MTUS2: variants seen among roughly 807,000 people sequenced by gnomAD.
MTUS2 encodes the protein microtubule associated scaffold protein 2.
A neutral mutation model predicts 114.1 loss-of-function variants in MTUS2; 40 were observed. The ratio of observed to expected loss-of-function variants is 0.35; its 90% CI spans 0.27 to 0.46. The LOEUF is 0.46. MTUS2 is among the 20% of genes least tolerant of loss of function. The pLI, the probability that MTUS2 is intolerant of heterozygous loss-of-function variation, is 1.00. For missense variants in MTUS2, 1,679 were observed against 1,705.4 expected, an observed-to-expected ratio of 0.98 and a Z score of 0.27; for synonymous variants, 688 against 672.0, an observed-to-expected ratio of 1.02 and a Z score of -0.37.
intron 4 of MTUS2, among the ~76,000 whole-genome samples, chr13:29,079,750 T>C (rs1889359180): frequency 6.6e-6 from 1 of 152,258 alleles, no homozygotes; most frequent in African/African-American, 2.4e-5. Flanking sequence ...TCTACTTAGC[T>C]ATATGTCTAT....
chr13:28,876,699 C>T (rs1410193407), intron 2 of MTUS2, among the ~76,000 whole-genome samples: 2 of 152,114 alleles, frequency 1.3e-5, no homozygotes, highest in African/African-American at 4.8e-5. Context: ...TTGGATCGGT[C>T]AGACCCACCC....
chr13:29,164,870 TTAGA>T (rs1307924475), intron 5 of MTUS2, among the ~76,000 whole-genome samples: 2 of 152,180 alleles, frequency 1.3e-5, no homozygotes, highest in South Asian at 2.1e-4. Flanking sequence ...AATGAAATAA[TTAGA>T]TAGTTTTTTC....
intron 2 of MTUS2, among the ~76,000 whole-genome samples, chr13:28,875,753 G>T (rs539240743): frequency 6.6e-6 from 1 of 152,200 alleles, no homozygotes; most frequent in African/African-American, 2.4e-5. Context: ...ATAAAAAATG[G>T]TTTCTATTTA....
Position 29,025,035 on chromosome 13 carries a change from A to G in MTUS2, c.337A>G (p.Thr113Ala). The part of the protein sequence containing the change: ...TIQRELNEEH[T>A]VERGTDSLQT... ...TCAGAGGGAACTCAATGAAGAGCAC[A>G]CAGTGGAGAGAGGCACAGATAGCCT... Residue 113 changes from threonine (T) to alanine (A), a missense_variant, in exon 3 of 16, where the codon ACA becomes GCA. Thr to Ala is a moderately conservative substitution (Grantham distance 58). This residue lies in a region of MTUS2 where 843 missense variants were observed against 770.8 expected (regional missense o/e 1.09). Coordinates refer to ENST00000612955, the MANE Select transcript of MTUS2 (RefSeq NM_001033602.4). 1 of 1,614,050 alleles carries G rather than the reference A, an allele frequency of 6.2e-7. No homozygotes were observed. Among genetic ancestry groups the G allele is most frequent in the Non-Finnish European group, 8.5e-7 (1 of 1,179,898 alleles).
intron 5 of MTUS2, among the ~76,000 whole-genome samples, chr13:29,135,206 T>C (rs1004174020): frequency 3.9e-5 from 6 of 152,190 alleles, no homozygotes; most frequent in African/African-American, 1.4e-4. Context: ...AGTTATCACG[T>C]TGCAAAAACA....
intron 2 of MTUS2, among the ~76,000 whole-genome samples, chr13:28,904,787 G>A (rs1879878018): frequency 6.6e-6 from 1 of 152,104 alleles, no homozygotes; most frequent in African/African-American, 2.4e-5. Context: ...CCAATTCTGT[G>A]AAGCAAGTCA....
chr13:29,078,728 C>T (rs1889307530), intron 4 of MTUS2, among the ~76,000 whole-genome samples: 1 of 152,188 alleles, frequency 6.6e-6, no homozygotes, highest in Admixed American at 6.5e-5. Flanking sequence ...AATATGTGGC[C>T]TTTCAAACTT....
intron 3 of MTUS2, among the ~76,000 whole-genome samples, chr13:29,029,159 C>T (rs1886698380): frequency 6.6e-6 from 1 of 152,202 alleles, no homozygotes; most frequent in Non-Finnish European, 1.5e-5. Context: ...GACTCTGGGC[C>T]TGCCAACAGG....
chr13:28,980,369 C>G (rs1165256320), intron 2 of MTUS2, among the ~76,000 whole-genome samples: 1 of 152,156 alleles, frequency 6.6e-6, no homozygotes, highest in African/African-American at 2.4e-5. Context: ...ACCCTGTTTT[C>G]GTTTGCCTCA....
At chr13:29,452,150 T>C (rs947862865) in intron 9 of MTUS2, among the ~76,000 whole-genome samples, 34 of 152,206 alleles carry the variant, frequency 2.2e-4, no homozygotes, top group Admixed American at 1.1e-3. Context: ...ATATCAATAC[T>C]GCAAACTCCC....
rs1555272437 is a variant in MTUS2 at position 29,389,399 on chromosome 13, A to ATGTATACACGTGTGTG, written c.3117+29927_3117+29928insGTATACACGTGTGTGT. Among the ~76,000 whole-genome samples the ATGTATACACGTGTGTG allele has an allele frequency of 2.6e-4, 18 of 67,988 alleles. 2 individuals are homozygous for ATGTATACACGTGTGTG. The South Asian group carries it at 9.0e-3, about 34-fold the overall frequency. 44.6% of individuals were successfully genotyped at this position (67,988 alleles called of 152,430 possible). A position where few individuals can be genotyped will look rare whatever the true frequency, so the allele number is the denominator to read the frequency against. On this transcript the variant is annotated intron_variant, in intron 8 of 15. Transcript: ENST00000612955. ...TATATATGTATACACGTGTGTGTAT[A>ATGTATACACGTGTGTG]TATGTATACACGTGTGTGTGTATGT...
chr13:28,855,292 A>C (rs1593248795), intron 2 of MTUS2, among the ~76,000 whole-genome samples: 1 of 152,106 alleles, frequency 6.6e-6, no homozygotes, highest in South Asian at 2.1e-4. Flanking sequence ...TCCAGGATAC[A>C]TGTGCAGGAT....
rs373615074 is a variant in MTUS2 at position 29,394,188 on chromosome 13, G to A, written c.3117+34715G>A. Among the ~76,000 whole-genome samples the A allele has an allele frequency of 1.1e-4, 16 of 152,256 alleles. No homozygotes were observed. The East Asian group carries it at 1.7e-3, about 17-fold the overall frequency. ...AGCCAAATATGTGTGACCAGGGCTCGAGGCACACTCTCATAATGTCCTGAG... is the reference window on the plus strand; with the variant it reads ...AGCCAAATATGTGTGACCAGGGCTCAAGGCACACTCTCATAATGTCCTGAG... On this transcript the variant is annotated intron_variant, in intron 8 of 15. Transcript: ENST00000612955.
chr13:29,266,104 G>A (rs1165557523), intron 5 of MTUS2, among the ~76,000 whole-genome samples: 2 of 152,172 alleles, frequency 1.3e-5, no homozygotes, highest in Non-Finnish European at 2.9e-5. Context: ...TCAAAAGACT[G>A]ATGGGCTGTG....
intron 9 of MTUS2, among the ~76,000 whole-genome samples, chr13:29,472,437 T>A (rs540444918): frequency 6.6e-6 from 1 of 152,324 alleles, no homozygotes; most frequent in South Asian, 2.1e-4. Context: ...GTGTCCGGGA[T>A]CCCAGGCAGC....
At chr13:29,178,643 CT>C (rs11361210) in intron 5 of MTUS2, among the ~76,000 whole-genome samples, 1,565 of 151,956 alleles carry the variant, frequency 0.01, 23 homozygotes, top group African/African-American at 0.036. Flanking sequence ...AGCAAAATCA[CT>C]CCCAGTTGAG....
chr13:29,008,852 T>C (rs1885714732), intron 2 of MTUS2, among the ~76,000 whole-genome samples: 1 of 152,124 alleles, frequency 6.6e-6, no homozygotes, highest in Admixed American at 6.5e-5. Context: ...CCCTTTTAAT[T>C]GGGAGACTTG....
intron 5 of MTUS2, among the ~76,000 whole-genome samples, chr13:29,159,413 T>C (rs574888946): frequency 7.3e-4 from 111 of 152,232 alleles, no homozygotes; most frequent in African/African-American, 2.5e-3. Context: ...GGAAAAAGAA[T>C]AGGAGGAAAA....
chr13:28,940,610 G>A (rs748354950), intron 2 of MTUS2, among the ~76,000 whole-genome samples: 3 of 151,648 alleles, frequency 2.0e-5, no homozygotes, highest in African/African-American at 4.9e-5. Context: ...TAAGAGAGTA[G>A]AACTGGAAAC....
Sources: gnomAD v4.1 joint callset for allele counts (sites outside exome capture counted in the v4.1 genomes callset) on GRCh38, gnomAD v4.1.1 for gene constraint, gnomAD v4.1.1 regional missense constraint, MANE v1.5 for transcripts, NCBI Gene and HGNC (gene_info 2026-07-23, HGNC 2026-07-21) for gene names.